Variants in MTUS2 observed in about 807,000 individuals in gnomAD.
MTUS2 encodes microtubule associated scaffold protein 2, also known as microtubule-associated tumor suppressor candidate 2.
MTUS2 carries 40 observed loss-of-function variants against 114.1 expected under a neutral mutation model. The ratio of observed to expected loss-of-function variants is 0.35; its 90% CI spans 0.27 to 0.46. The LOEUF (loss-of-function observed/expected upper bound fraction) is 0.46. Ranked by LOEUF, MTUS2 falls within the 20% of genes least tolerant of loss-of-function variation. The pLI is 1.00. For missense variants in MTUS2, 1,679 were observed against 1,705.4 expected (o/e 0.98, Z 0.27); for synonymous variants, 688 against 672.0 (o/e 1.02, Z -0.37).
At position 29,480,508 on chromosome 13, in the gene MTUS2, C is replaced by G. The variant is rs1881083052; in HGVS notation, c.3399+144C>G. 10 of 902,882 alleles carry G rather than the reference C, an allele frequency of 1.1e-5. No individual in the cohort carries two copies. The South Asian group carries it at 1.2e-4, about 11-fold the overall frequency. 55.9% of individuals were successfully genotyped at this position (902,882 alleles called of 1,614,324 possible). A position where few individuals can be genotyped will look rare whatever the true frequency, so the allele number is the denominator to read the frequency against. On this transcript the variant is annotated intron_variant, in intron 10 of 15. Coordinates refer to ENST00000612955, the MANE Select transcript of MTUS2 (RefSeq NM_001033602.4). The surrounding 1 kb of genome is among the most constrained non-coding windows in gnomAD (Gnocchi z 4.4). ...CTTTCTGAGTTGCTTTCTCCTTTCT[C>G]CCCGCTCCTCTCTTCTCCTCCAGCC...
chr13:29,206,307 G>C (rs781768752), intron 5 of MTUS2, among the ~76,000 whole-genome samples: 4 of 152,162 alleles, frequency 2.6e-5, no homozygotes, highest in Non-Finnish European at 5.9e-5. Flanking sequence ...CTGGATATCA[G>C]TCCTTTGTCA....
intron 8 of MTUS2, among the ~76,000 whole-genome samples, chr13:29,439,476 A>G (rs1358627348): frequency 6.6e-6 from 1 of 152,184 alleles, no homozygotes. Context: ...ACAAAGAGAA[A>G]TGTTTCATGC....
intron 8 of MTUS2, among the ~76,000 whole-genome samples, chr13:29,413,208 T>A (rs922897861): frequency 1.3e-5 from 2 of 152,200 alleles, no homozygotes; most frequent in Non-Finnish European, 2.9e-5. Flanking sequence ...GACTTGGGCA[T>A]CTTTTAGGGG....
intron 7 of MTUS2, among the ~76,000 whole-genome samples, chr13:29,350,716 G>A (rs1252484486): frequency 2.0e-5 from 3 of 151,978 alleles, no homozygotes; most frequent in East Asian, 1.9e-4. Context: ...TGAATCTGGA[G>A]GCTGAGAAAT....
chr13:29,209,515 G>T (rs1413579968), intron 5 of MTUS2, among the ~76,000 whole-genome samples: 4 of 148,666 alleles, frequency 2.7e-5, no homozygotes, highest in African/African-American at 7.4e-5. Context: ...TTGCATTATT[G>T]TTTTATATAT....
At position 28,870,294 on chromosome 13, in the gene MTUS2, A is replaced by G. The variant is rs183390144; in HGVS notation, c.-243+30444A>G. Among the ~76,000 whole-genome samples, 744 of 152,334 alleles carry G rather than the reference A, an allele frequency of 4.9e-3. 7 individuals carry two copies. Among genetic ancestry groups the G allele is most frequent in the African/African-American group, 0.017 (715 of 41,562 alleles). On this transcript the variant is annotated intron_variant, in intron 2 of 15. Coordinates refer to ENST00000612955, the MANE Select transcript of MTUS2 (RefSeq NM_001033602.4). ...CCTTAGATCTTAAGAAGGAATCCCA[A>G]TGAAATATCTCTTACTGTTTCAGTA...
intron 2 of MTUS2, among the ~76,000 whole-genome samples, chr13:28,856,310 G>A (rs974821872): frequency 1.3e-5 from 2 of 152,224 alleles, no homozygotes; most frequent in African/African-American, 4.8e-5. Flanking sequence ...TGAGTAAACG[G>A]ATGGCTGCAT....
rs374840836 is a variant in MTUS2, at chr13:29,025,166, G to T, written c.468G>T (p.Arg156=). 6 of 1,613,924 alleles carry T rather than the reference G, an allele frequency of 3.7e-6. No homozygotes were observed. The East Asian group carries it at 1.1e-4, about 30-fold the overall frequency. The change falls in exon 3 of 16, where the codon CGG becomes CGT. Residue 156 remains arginine, a synonymous_variant. Transcript: ENST00000612955. ...CTAAAAGGGATGCTGAAATTCCCCG[G>T]CATGTTCCCAAGGATAAACTGGCAA... is the stretch of plus-strand genomic sequence containing the variant. ...VLAKRDAEIP[R]HVPKDKLAKT... is the part of the protein sequence containing the mutation.
intron 2 of MTUS2, among the ~76,000 whole-genome samples, chr13:28,871,232 G>T (rs757026564): frequency 7.2e-5 from 11 of 152,150 alleles, no homozygotes; most frequent in Non-Finnish European, 1.5e-4. Flanking sequence ...AGTGTTGGTA[G>T]CACTGACCCA....
At chr13:29,292,556 T>C (rs375156298) in intron 6 of MTUS2, among the ~76,000 whole-genome samples, 5 of 152,280 alleles carry the variant, frequency 3.3e-5, no homozygotes, top group East Asian at 1.9e-4. Flanking sequence ...CCTATAATCT[T>C]ATTATCTGGA....
chr13:29,498,679 C>T, intron 14 of MTUS2, 142 bp downstream of exon 14: 1 of 1,176,728 alleles, frequency 8.5e-7, no homozygotes, highest in Non-Finnish European at 1.2e-6. Flanking sequence ...CACAGCTGGC[C>T]TTTCCCAGGA....
intron 6 of MTUS2, among the ~76,000 whole-genome samples, chr13:29,297,201 A>G (rs982491703): frequency 2.6e-5 from 4 of 152,134 alleles, no homozygotes; most frequent in African/African-American, 7.2e-5. Flanking sequence ...AGAGACTTGC[A>G]TTTTACCTAA....
At chr13:29,367,207 G>A (rs1870793935) in intron 8 of MTUS2, among the ~76,000 whole-genome samples, 2 of 152,096 alleles carry the variant, frequency 1.3e-5, no homozygotes, top group Non-Finnish European at 2.9e-5. Context: ...GAGGAACGTG[G>A]CTTGTGAAAT....
At chr13:29,259,003 ATATCAAC>A (rs1897372492) in intron 5 of MTUS2, among the ~76,000 whole-genome samples, 1 of 152,268 alleles carries the variant, frequency 6.6e-6, no homozygotes, top group East Asian at 1.9e-4. Flanking sequence ...GTGCTTCAGC[ATATCAAC>A]CTTAGTTTAT....
At chr13:29,474,314 C>T (rs1409705333) in intron 9 of MTUS2, among the ~76,000 whole-genome samples, 1 of 152,134 alleles carries the variant, frequency 6.6e-6, no homozygotes, top group Non-Finnish European at 1.5e-5. Context: ...GTCCATGAAT[C>T]GTCCTATCAC....
At chr13:29,486,528 C>T (rs1442139233) in intron 10 of MTUS2, among the ~76,000 whole-genome samples, 4 of 152,154 alleles carry the variant, frequency 2.6e-5, no homozygotes, top group Non-Finnish European at 5.9e-5. Context: ...CTGAATATGA[C>T]CAGCTAGAAG....
chr13:29,291,498 A>G (rs937883033), intron 6 of MTUS2, among the ~76,000 whole-genome samples: 1 of 152,352 alleles, frequency 6.6e-6, no homozygotes, highest in East Asian at 1.9e-4. Flanking sequence ...AGAGAACCCC[A>G]TGCCAGCCAC....
At chr13:28,906,735 A>G (rs573596040) in intron 2 of MTUS2, among the ~76,000 whole-genome samples, 1 of 151,584 alleles carries the variant, frequency 6.6e-6, no homozygotes, top group Admixed American at 6.6e-5. Flanking sequence ...TATTCTGTTG[A>G]TTTGGGGTGG....
At chr13:28,913,898 G>T (rs1284237549) in intron 2 of MTUS2, among the ~76,000 whole-genome samples, 5 of 151,958 alleles carry the variant, frequency 3.3e-5, no homozygotes, top group African/African-American at 1.2e-4. Context: ...TCTAGTTTAT[G>T]TGCATAGAGG....
Sources: allele counts gnomAD v4.1 joint callset (sites outside exome capture counted in the v4.1 genomes callset), GRCh38; gene constraint gnomAD v4.1.1; non-coding constraint Gnocchi (gnomAD v3.1); transcripts MANE v1.5; gene names NCBI Gene and HGNC (gene_info 2026-07-23, HGNC 2026-07-21).